CENPW: variants seen among roughly 807,000 people sequenced by gnomAD.
CENPW encodes the protein cancer-up-regulated gene 2 protein.
In CENPW, 3 loss-of-function variants were observed where a neutral mutation model predicts 11.1. That is an observed-to-expected ratio of 0.27 (90% CI 0.12 to 0.70). The LOEUF (loss-of-function observed/expected upper bound fraction) is 0.70. CENPW is among the 30% of genes least tolerant of loss of function. CENPW has a pLI of 0.77. For synonymous variants in CENPW, 38 were observed against 42.0 expected, an observed-to-expected ratio of 0.91 and a Z score of 0.37; for missense variants, 100 against 105.6, an observed-to-expected ratio of 0.95 and a Z score of 0.23.
At chr6:126,354,619 A>G in the CENPW span, among the ~76,000 whole-genome samples, 1 of 152,140 alleles carries the variant, frequency 6.6e-6, no homozygotes, top group Non-Finnish European at 1.5e-5. Flanking sequence ...AAGCTCTACT[A>G]TAGTAGCCTG....
the CENPW span, among the ~76,000 whole-genome samples, chr6:126,393,286 T>G: frequency 6.6e-6 from 1 of 151,892 alleles, no homozygotes. Flanking sequence ...TTTTATTTAA[T>G]TCTGCTCTGA....
the CENPW span, among the ~76,000 whole-genome samples, chr6:126,427,594 T>G: frequency 6.6e-6 from 1 of 152,322 alleles, no homozygotes; most frequent in East Asian, 1.9e-4. Context: ...TCTTCAGATA[T>G]CAACAAGAAA....
chr6:126,453,438 T>G, the CENPW span, among the ~76,000 whole-genome samples: 1 of 151,182 alleles, frequency 6.6e-6, no homozygotes, highest in African/African-American at 2.4e-5. Flanking sequence ...ATTCAAGAAT[T>G]TCAAATCCAG....
the CENPW span, among the ~76,000 whole-genome samples, chr6:126,359,895 C>T: frequency 6.6e-6 from 1 of 152,020 alleles, no homozygotes; most frequent in Middle Eastern, 3.4e-3. Flanking sequence ...AATTGCAACT[C>T]TACCTTTTAA....
At chr6:126,445,585 A>G in the CENPW span, among the ~76,000 whole-genome samples, 2 of 151,152 alleles carry the variant, frequency 1.3e-5, no homozygotes, top group African/African-American at 4.8e-5. Context: ...ATATCCTACC[A>G]TACAATTTAG....
At chr6:126,347,277 C>T (rs922810160) in intron 2 of CENPW, among the ~76,000 whole-genome samples, 16 of 152,038 alleles carry the variant, frequency 1.1e-4, no homozygotes, top group African/African-American at 3.6e-4. Flanking sequence ...TCTTTGTAGA[C>T]GTTTTTGTTT....
chr6:126,400,354 T>C, the CENPW span, among the ~76,000 whole-genome samples: 3 of 152,108 alleles, frequency 2.0e-5, no homozygotes, highest in Admixed American at 2.0e-4. Flanking sequence ...TCATATATCT[T>C]CTTTTGCGAG....
the CENPW span, among the ~76,000 whole-genome samples, chr6:126,441,968 A>G: frequency 6.6e-6 from 1 of 151,608 alleles, no homozygotes; most frequent in African/African-American, 2.4e-5. Context: ...GGTAATACCC[A>G]GTAGTGGGAC....
At chr6:126,390,311 C>A in the CENPW span, among the ~76,000 whole-genome samples, 1 of 151,860 alleles carries the variant, frequency 6.6e-6, no homozygotes, top group African/African-American at 2.4e-5. Flanking sequence ...GCGTTCTTTT[C>A]TAAAATTTTG....
At chr6:126,394,943 T>C in the CENPW span, among the ~76,000 whole-genome samples, 3 of 152,142 alleles carry the variant, frequency 2.0e-5, no homozygotes, top group Non-Finnish European at 2.9e-5. Context: ...TGGAACTCCA[T>C]TGTATGTTAT....
chr6:126,397,210 G>T, the CENPW span, among the ~76,000 whole-genome samples: 1 of 152,062 alleles, frequency 6.6e-6, no homozygotes, highest in South Asian at 2.1e-4. Context: ...GGCAAGGCTT[G>T]CTGAAACTCA....
the CENPW span, among the ~76,000 whole-genome samples, chr6:126,386,142 G>A: frequency 6.6e-6 from 1 of 152,024 alleles, no homozygotes; most frequent in Non-Finnish European, 1.5e-5. Flanking sequence ...TATCTTTTTA[G>A]ATATGCAGAC....
At chr6:126,344,729 T>C (rs912016264) in intron 1 of CENPW, among the ~76,000 whole-genome samples, 1 of 152,154 alleles carries the variant, frequency 6.6e-6, no homozygotes, top group Admixed American at 6.5e-5. Flanking sequence ...TTCCCAAACC[T>C]CCGTTTTCTC....
the CENPW span, among the ~76,000 whole-genome samples, chr6:126,354,595 C>T: frequency 1.4e-4 from 22 of 152,214 alleles, no homozygotes; most frequent in Non-Finnish European, 2.4e-4. Flanking sequence ...ATTAAAAGTG[C>T]TAGGTCTCCA....
At chr6:126,394,045 G>T in the CENPW span, among the ~76,000 whole-genome samples, 696 of 151,798 alleles carry the variant, frequency 4.6e-3, 5 homozygotes, top group Non-Finnish European at 5.4e-3. Flanking sequence ...TATGTTTGTT[G>T]TAGGCAACAG....
chr6:126,399,569 GTTTTTCT>G, the CENPW span, among the ~76,000 whole-genome samples: 2 of 151,440 alleles, frequency 1.3e-5, no homozygotes, highest in African/African-American at 4.9e-5. Context: ...TTTTACATCT[GTTTTTCT>G]TTTTTATTAC....
chr6:126,412,912 A>G, the CENPW span, among the ~76,000 whole-genome samples: 1 of 152,096 alleles, frequency 6.6e-6, no homozygotes, highest in South Asian at 2.1e-4. Context: ...GGAGGGAAGC[A>G]ATTGGTCAAG....
At chr6:126,352,919 T>C (rs1013685642), downstream of CENPW, among the ~76,000 whole-genome samples, 1 of 152,134 alleles carries the variant, frequency 6.6e-6, no homozygotes, top group East Asian at 1.9e-4. Flanking sequence ...TACATTCTTA[T>C]ACTAGGAATT....
the CENPW span, among the ~76,000 whole-genome samples, chr6:126,354,125 T>A: frequency 6.6e-6 from 1 of 152,122 alleles, no homozygotes; most frequent in Non-Finnish European, 1.5e-5. Context: ...ATAAATTTTT[T>A]ATCAAATAAT....
Sources: gnomAD v4.1 joint callset for allele counts (sites outside exome capture counted in the v4.1 genomes callset) on GRCh38, gnomAD v4.1.1 for gene constraint, MANE v1.5 for transcripts, NCBI Gene and HGNC (gene_info 2026-07-23, HGNC 2026-07-21) for gene names.